Variants in FLYWCH1 observed in about 807,000 individuals in gnomAD.
FLYWCH1 encodes the protein FLYWCH-type zinc finger 1.
FLYWCH1 carries 75 observed loss-of-function variants against 66.4 expected under a neutral mutation model. That is an observed-to-expected ratio of 1.13 (90% CI 0.94 to 1.37). The LOEUF is 1.37. FLYWCH1 is among the 40% of genes most tolerant of loss of function. The probability of loss-of-function intolerance (pLI) is 0.00; values close to 1 mark genes in which losing one functional copy is unlikely to be tolerated. For synonymous variants in FLYWCH1, 595 were observed against 429.9 expected, an observed-to-expected ratio of 1.38 and a Z score of -4.75; for missense variants, 1,334 against 1,001.8, an observed-to-expected ratio of 1.33 and a Z score of -4.48.
intron 8 of FLYWCH1, chr16:2,939,651 G>T: frequency 5.0e-6 from 1 of 198,822 alleles, no homozygotes; most frequent in South Asian, 8.2e-5. Flanking sequence ...AGGCTGCAGT[G>T]AGCCATGCAC....
rs112944093 is a variant in FLYWCH1 at position 2,929,683 on chromosome 16, G to C, written c.-3G>C. The C allele has an allele frequency of 5.6e-6, 9 of 1,608,618 alleles. No individual in the cohort carries two copies. In the African/African-American group the frequency reaches 1.1e-4, roughly 19 times the overall value. ...GCCTGAGGGACAGGCCCTGGGTCCC[G>C]GGATGCCCCTGCCCGAGCCCAGCGA... On this transcript the variant is annotated 5_prime_UTR_variant, in exon 3 of 10. Coordinates refer to ENST00000253928, the MANE Select transcript of FLYWCH1 (RefSeq NM_001308068.2).
At position 2,938,070 on chromosome 16, in the gene FLYWCH1, G is replaced by C. The variant is rs114102291; in HGVS notation, c.1778-114G>C. 4 of 1,042,456 alleles carry C rather than the reference G, an allele frequency of 3.8e-6. No individual in the cohort carries two copies. The African/African-American group carries it at 6.4e-5, about 17-fold the overall frequency. The allele number at this position is 1,042,456 out of a possible 1,614,324, so 64.6% of individuals were successfully genotyped here. A position where few individuals can be genotyped will look rare whatever the true frequency, so the allele number is the denominator to read the frequency against. On this transcript the variant is annotated intron_variant, in intron 7 of 9. Transcript: ENST00000253928. ...AGGAGGGCAGGGACCACCGTGCAGC[G>C]TGCTAGGGGATCGCAGATTCCTGGT... is the stretch of plus-strand genomic sequence containing the variant.
In FLYWCH1 at chr16:2,929,791, C is replaced by T. The variant is rs1567331024; in HGVS notation, c.106C>T (p.Pro36Ser). The change falls in exon 3 of 10, where the codon CCC becomes TCC. Residue 36 changes from proline (P) to serine (S), a missense_variant. Pro to Ser is a moderately conservative substitution (Grantham distance 74). Coordinates refer to ENST00000253928, the MANE Select transcript of FLYWCH1 (RefSeq NM_001308068.2). Reference sequence around the variant, plus strand: ...CGTCATCCCGGCAGCCCCCAGGAAGCCCAGGGAGTTCTCCAAACTGGTGCT... The same window carrying T: ...CGTCATCCCGGCAGCCCCCAGGAAGTCCAGGGAGTTCTCCAAACTGGTGCT... ...TDVIPAAPRK[P>S]REFSKLVLLT... The T allele has an allele frequency of 2.8e-5, 45 of 1,613,942 alleles. No individual in the cohort carries two copies. The highest frequency in any genetic ancestry group is 3.6e-5 in the Non-Finnish European group (42 of 1,179,884).
chr16:2,933,251 C>T lies in FLYWCH1; in HGVS notation c.918C>T (p.Asp306=), dbSNP rs754016731. ...VGDKVYWTCR[D]HALHGCRSRA... ...ACAAGGTGTATTGGACCTGCCGGGA[C>T]CACGCGCTGCACGGCTGCCGGAGCC... The change falls in exon 5 of 10, where the codon GAC becomes GAT. Residue 306 remains aspartate (D), a synonymous_variant. Coordinates refer to ENST00000253928, the MANE Select transcript of FLYWCH1 (RefSeq NM_001308068.2). 8.1e-5 allele frequency: 131 copies of T among 1,613,368 alleles called. No homozygotes were observed. Among genetic ancestry groups the T allele is most frequent in the Non-Finnish European group, 4.2e-6 (5 of 1,179,790 alleles).
chr16:2,937,506 A>G, intron 7 of FLYWCH1, 122 bp downstream of exon 7: 2 of 1,199,856 alleles, frequency 1.7e-6, no homozygotes, highest in Non-Finnish European at 2.2e-6. Flanking sequence ...AGCCGGGGCC[A>G]TAAACTCCCC....
At chr16:2,912,646 C>G (rs1596346493) in intron 1 of FLYWCH1, among the ~76,000 whole-genome samples, 1 of 152,266 alleles carries the variant, frequency 6.6e-6, no homozygotes, top group Admixed American at 6.5e-5. Context: ...ATGACTGAAG[C>G]ACAAGTTTAA....
chr16:2,950,083 G>T lies in FLYWCH1; in HGVS notation c.*1356G>T, dbSNP rs35507793. ...GCAGGACATTTGCGTCGTGTTGCTG[G>T]AAGAGGCAGGATGCTCTGTTCTCGC... is the stretch of plus-strand genomic sequence containing the variant. On this transcript the variant is annotated 3_prime_UTR_variant, in exon 10 of 10. Transcript: ENST00000253928. 6.6e-6 allele frequency: 1 copy of T among 152,092 alleles called. No homozygotes were observed. The highest frequency in any genetic ancestry group is 2.1e-4 in the South Asian group (1 of 4,826). The allele number at this position is 152,092 out of a possible 1,614,324, so 9.4% of individuals were successfully genotyped here.
chr16:2,939,926 C>G (rs2071190912), intron 8 of FLYWCH1, 106 bp from the exon 9 acceptor site: 7 of 1,356,866 alleles, frequency 5.2e-6, no homozygotes, highest in Non-Finnish European at 6.9e-6. Context: ...GGTTGTCTTT[C>G]TCCTCACAGC....
Position 2,948,771 on chromosome 16 carries a change from CTT to C in FLYWCH1, c.*45_*46del, listed in dbSNP as rs2151038345. ...GCTCCGAGCCGCCCACCCAAGGTGG[CTT>C]CACATCCACACAGGCACTTCCCATC... On this transcript the variant is annotated 3_prime_UTR_variant, in exon 10 of 10. Transcript: ENST00000253928. The C allele has an allele frequency of 6.3e-7, 1 of 1,594,470 alleles. No homozygotes were observed. The highest frequency in any genetic ancestry group is 2.2e-5 in the East Asian group (1 of 44,816).
intron 2 of FLYWCH1, among the ~76,000 whole-genome samples, chr16:2,924,734 C>T (rs930659832): frequency 2.6e-5 from 4 of 152,196 alleles, no homozygotes; most frequent in Non-Finnish European, 4.4e-5. Flanking sequence ...TGGACTTTAA[C>T]GGGCGGAGTG....
chr16:2,933,869 G>C lies in FLYWCH1; in HGVS notation c.1403G>C (p.Gly468Ala), dbSNP rs370778623. Residue 468 changes from glycine (G) to alanine (A), a missense_variant, in exon 6 of 10, where the codon GGC becomes GCC. By Grantham distance (60) the Gly-to-Ala change is moderately conservative. Coordinates refer to ENST00000253928, the MANE Select transcript of FLYWCH1 (RefSeq NM_001308068.2). Reference sequence around the variant, plus strand: ...TGCCGCAGCCGCGCCATCACCCAGGGCCGACGGGTGACTGTCATGCGTGGT... The same window carrying C: ...TGCCGCAGCCGCGCCATCACCCAGGCCCGACGGGTGACTGTCATGCGTGGT... ...MGCRSRAITQ[G>A]RRVTVMRGHC... 2 of 1,600,486 alleles carry C rather than the reference G, an allele frequency of 1.2e-6. No individual in the cohort carries two copies. Among genetic ancestry groups the C allele is most frequent in the East Asian group, 4.5e-5 (2 of 44,168 alleles).
At chr16:2,929,512 G>A (rs1228996073) in intron 2 of FLYWCH1, 101 bp from the exon 3 acceptor site, 6 of 800,646 alleles carry the variant, frequency 7.5e-6, no homozygotes, top group Non-Finnish European at 9.6e-6. Context: ...TGGCCCCAGC[G>A]AGCAGTGAGG....
intron 9 of FLYWCH1, among the ~76,000 whole-genome samples, chr16:2,942,238 G>T (rs1336159432): frequency 6.6e-6 from 1 of 152,056 alleles, no homozygotes; most frequent in East Asian, 1.9e-4. Context: ...GGAGTGCAGT[G>T]GTGCCATCTC....
At chr16:2,921,135 C>T (rs1219077535) in intron 2 of FLYWCH1, among the ~76,000 whole-genome samples, 1 of 152,154 alleles carries the variant, frequency 6.6e-6, no homozygotes, top group Non-Finnish European at 1.5e-5. Context: ...GCCACCATTC[C>T]CAGACAGGGA....
chr16:2,943,876 G>A (rs1184756805), intron 9 of FLYWCH1, among the ~76,000 whole-genome samples: 1 of 152,088 alleles, frequency 6.6e-6, no homozygotes, highest in Non-Finnish European at 1.5e-5. Context: ...GGTGGAGGTT[G>A]CAGTGAGCCA....
Position 2,933,734 on chromosome 16 carries a change from A to T in FLYWCH1, c.1268A>T (p.Lys423Met). The T allele has an allele frequency of 5.6e-6, 9 of 1,608,574 alleles. No homozygotes were observed. The highest frequency in any genetic ancestry group is 7.6e-6 in the Non-Finnish European group (9 of 1,177,748). ...TCCCCAGGAGGCCCTGAGTTCCTGA[A>T]GACGCCCCTGGGGGGCAGCTTCCTG... The part of the protein sequence containing the change: ...DADPGGPEFL[K>M]TPLGGSFLVY... Residue 423 changes from lysine (K) to methionine (M), a missense_variant, in exon 6 of 10, where the codon AAG becomes ATG. Physicochemically the swap from Lys to Met is moderately conservative, Grantham distance 95 (BLOSUM62 -1). Transcript: ENST00000253928.
chr16:2,931,186 C>T (rs990639877), intron 4 of FLYWCH1, among the ~76,000 whole-genome samples: 3 of 151,406 alleles, frequency 2.0e-5, no homozygotes, highest in African/African-American at 7.3e-5. Context: ...ACCTGTAATC[C>T]CAGCTACTCA....
chr16:2,929,713 G>A lies in FLYWCH1; in HGVS notation c.28G>A (p.Glu10Lys). 1 of 1,613,172 alleles carries A rather than the reference G, an allele frequency of 6.2e-7. No individual in the cohort carries two copies. The highest frequency in any genetic ancestry group is 8.5e-7 in the Non-Finnish European group (1 of 1,179,640). Reference protein sequence around the residue: MPLPEPSEQEGESVKAGQEP... With the variant: MPLPEPSEQKGESVKAGQEP... Reference sequence around the variant, plus strand: ...GCCCCTGCCCGAGCCCAGCGAGCAGGAGGGCGAGAGTGTGAAGGCCGGCCA... The same window carrying A: ...GCCCCTGCCCGAGCCCAGCGAGCAGAAGGGCGAGAGTGTGAAGGCCGGCCA... The change falls in exon 3 of 10, where the codon GAG (glutamate) becomes AAG (lysine). Residue 10 changes from glutamate to lysine, a missense_variant. By Grantham distance (56) the Glu-to-Lys change is moderately conservative. Coordinates refer to ENST00000253928, the MANE Select transcript of FLYWCH1 (RefSeq NM_001308068.2).
At chr16:2,947,988 C>A (rs1291630137) in intron 9 of FLYWCH1, among the ~76,000 whole-genome samples, 1 of 151,910 alleles carries the variant, frequency 6.6e-6, no homozygotes, top group African/African-American at 2.4e-5. Context: ...CTGCAGTGAG[C>A]TCTGATGGCA....
Sources: gnomAD v4.1 joint callset for allele counts (sites outside exome capture counted in the v4.1 genomes callset) on GRCh38, gnomAD v4.1.1 for gene constraint, MANE v1.5 for transcripts, NCBI Gene and HGNC (gene_info 2026-07-23, HGNC 2026-07-21) for gene names.